Variants in ZUP1 observed in about 807,000 individuals in gnomAD.
ZUP1 encodes zinc finger-containing ubiquitin peptidase 1.
A neutral mutation model predicts 68.1 loss-of-function variants in ZUP1; 55 were observed. The observed-to-expected ratio is 0.81, with a 90% CI of 0.65 to 1.01. The LOEUF is 1.01. Ranked by LOEUF, ZUP1 falls within the 50% of genes least tolerant of loss-of-function variation. The pLI is 0.00. For synonymous variants in ZUP1, 223 were observed against 221.5 expected (o/e 1.01, Z -0.06); for missense variants, 684 against 674.9 (o/e 1.01, Z -0.15).
At chr6:116,667,967 T>C (rs529348570) in intron 1 of ZUP1, among the ~76,000 whole-genome samples, 1 of 152,312 alleles carries the variant, frequency 6.6e-6, no homozygotes, top group Non-Finnish European at 1.5e-5. Flanking sequence ...GTAGTTATTT[T>C]TGGATTTTAT....
chr6:116,647,346 G>A (rs1443158306), intron 8 of ZUP1, 113 bp downstream of exon 8: 3 of 945,954 alleles, frequency 3.2e-6, no homozygotes, highest in Non-Finnish European at 1.5e-6. Flanking sequence ...GCAACAGAGT[G>A]AGATTCTGTC....
At chr6:116,655,666 T>A (rs1162791842) in intron 5 of ZUP1, among the ~76,000 whole-genome samples, 1 of 152,222 alleles carries the variant, frequency 6.6e-6, no homozygotes, top group African/African-American at 2.4e-5. Context: ...AAAAGCCATA[T>A]TATGGGGCAA....
chr6:116,653,740 G>C (rs1433419282), intron 5 of ZUP1, among the ~76,000 whole-genome samples: 2 of 151,922 alleles, frequency 1.3e-5, no homozygotes, highest in African/African-American at 4.8e-5. Flanking sequence ...CAAGATTTGA[G>C]GCAGCCCTTT....
chr6:116,648,517 A>G (rs990453296), intron 7 of ZUP1, among the ~76,000 whole-genome samples: 5 of 152,220 alleles, frequency 3.3e-5, no homozygotes, highest in African/African-American at 1.2e-4. Flanking sequence ...CAGTTTGCAT[A>G]TTTACATTTA....
At chr6:116,639,737 A>C (rs1776029929) in intron 9 of ZUP1, among the ~76,000 whole-genome samples, 1 of 152,234 alleles carries the variant, frequency 6.6e-6, no homozygotes, top group South Asian at 2.1e-4. Context: ...AAAGATGGGG[A>C]AAAAACAGAG....
At chr6:116,648,743 C>T (rs1776390630) in intron 7 of ZUP1, among the ~76,000 whole-genome samples, 1 of 151,954 alleles carries the variant, frequency 6.6e-6, no homozygotes, top group African/African-American at 2.4e-5. Flanking sequence ...GGGTGGATCG[C>T]TTGAGCCTAG....
chr6:116,641,929 T>C (rs1247730327), intron 9 of ZUP1, among the ~76,000 whole-genome samples: 1 of 151,824 alleles, frequency 6.6e-6, no homozygotes, highest in East Asian at 1.9e-4. Context: ...TCAACAAAAT[T>C]GATAGACCGC....
chr6:116,653,162 T>C (rs1371878885), intron 5 of ZUP1, among the ~76,000 whole-genome samples: 2 of 152,074 alleles, frequency 1.3e-5, no homozygotes, highest in Non-Finnish European at 2.9e-5. Context: ...GCCCCTTTCC[T>C]GCTTTTAGTA....
intron 3 of ZUP1, 43 bp from the exon 4 acceptor site, chr6:116,658,967 AT>A: frequency 6.7e-7 from 1 of 1,484,858 alleles, no homozygotes; most frequent in Non-Finnish European, 9.1e-7. Context: ...AACTGTTGCA[AT>A]CAAAGATTAT....
intron 9 of ZUP1, among the ~76,000 whole-genome samples, chr6:116,643,902 A>G (rs1447497848): frequency 6.6e-6 from 1 of 152,228 alleles, no homozygotes; most frequent in African/African-American, 2.4e-5. Flanking sequence ...TGAACAGGCA[A>G]CCTACAAAAT....
At chr6:116,652,697 T>C (rs1341270037) in intron 5 of ZUP1, among the ~76,000 whole-genome samples, 1 of 152,140 alleles carries the variant, frequency 6.6e-6, no homozygotes, top group Non-Finnish European at 1.5e-5. Context: ...TCCAATACGC[T>C]AAATTTCAAC....
intron 4 of ZUP1, among the ~76,000 whole-genome samples, chr6:116,658,554 G>GA (rs1390998158): frequency 1.3e-5 from 2 of 151,588 alleles, no homozygotes; most frequent in Non-Finnish European, 2.9e-5. Flanking sequence ...TTCTTCATCT[G>GA]AAAAAAAAGG....
intron 9 of ZUP1, among the ~76,000 whole-genome samples, chr6:116,642,925 C>T (rs376910198): frequency 3.9e-5 from 6 of 152,094 alleles, no homozygotes; most frequent in South Asian, 2.1e-4. Context: ...CATGATTGTA[C>T]ATCTAGAAAA....
chr6:116,639,467 G>A (rs961784184), intron 9 of ZUP1, among the ~76,000 whole-genome samples: 3 of 152,136 alleles, frequency 2.0e-5, no homozygotes, highest in Non-Finnish European at 2.9e-5. Flanking sequence ...CACCTCACAC[G>A]GCCGGGTACT....
intron 5 of ZUP1, among the ~76,000 whole-genome samples, chr6:116,656,240 C>G (rs1776659051): frequency 6.6e-6 from 1 of 152,098 alleles, no homozygotes; most frequent in Non-Finnish European, 1.5e-5. Flanking sequence ...CCACCACGCC[C>G]AGCTAATTTT....
chr6:116,635,902 C>A (rs755244530), intron 9 of ZUP1, 23 bp from the exon 10 acceptor site: 1 of 1,536,378 alleles, frequency 6.5e-7, no homozygotes, highest in South Asian at 1.2e-5. Flanking sequence ...TTTTAAAAAA[C>A]AATTTTAAGC....
At chr6:116,661,312 G>C (rs1037871146) in intron 2 of ZUP1, among the ~76,000 whole-genome samples, 2 of 151,828 alleles carry the variant, frequency 1.3e-5, no homozygotes, top group African/African-American at 4.8e-5. Context: ...GGTCGAGATA[G>C]AAGGCTGAGC....
chr6:116,661,722 A>G (rs181797532), intron 2 of ZUP1, among the ~76,000 whole-genome samples: 1 of 152,060 alleles, frequency 6.6e-6, no homozygotes, highest in Non-Finnish European at 1.5e-5. Flanking sequence ...AGCAATCTGT[A>G]TATGTAAGGC....
chr6:116,649,542 G>A (rs1384758123), intron 7 of ZUP1, among the ~76,000 whole-genome samples: 1 of 152,048 alleles, frequency 6.6e-6, no homozygotes, highest in Non-Finnish European at 1.5e-5. Flanking sequence ...GAAGCATAAG[G>A]TTTGAGAACA....
Sources: gnomAD v4.1 joint callset for allele counts (sites outside exome capture counted in the v4.1 genomes callset) on GRCh38, gnomAD v4.1.1 for gene constraint, MANE v1.5 for transcripts, NCBI Gene and HGNC (gene_info 2026-07-23, HGNC 2026-07-21) for gene names.